CNBD1: variants seen among roughly 807,000 people sequenced by gnomAD.
CNBD1 encodes the protein cyclic nucleotide-binding domain-containing protein 1.
A neutral mutation model predicts 54.4 loss-of-function variants in CNBD1; 71 were observed. That is an observed-to-expected ratio of 1.30 (90% CI 1.08 to 1.59). The LOEUF (loss-of-function observed/expected upper bound fraction) is 1.59, where lower values mean the gene tolerates loss of function less well. CNBD1 is among the 40% of genes most tolerant of loss of function. The pLI is 0.00. For synonymous variants in CNBD1, 182 were observed against 170.7 expected, an observed-to-expected ratio of 1.07 and a Z score of -0.51; for missense variants, 659 against 518.0, an observed-to-expected ratio of 1.27 and a Z score of -2.64.
In CNBD1 at chr8:87,184,002, C is replaced by G. The variant is rs181553552; in HGVS notation, c.432-21991C>G. On this transcript the variant is annotated intron_variant, in intron 4 of 10. Coordinates refer to ENST00000518476, the MANE Select transcript of CNBD1 (RefSeq NM_173538.3). ...GTAGAATGGCAGGGAGTGCCATACACGTGTGCACTGCAGCAGAGGTAATGG... is the reference window on the plus strand; with the variant it reads ...GTAGAATGGCAGGGAGTGCCATACAGGTGTGCACTGCAGCAGAGGTAATGG... Among the ~76,000 whole-genome samples the G allele has an allele frequency of 8.8e-4, 134 of 152,302 alleles. 1 individual carries two copies. The highest frequency in any genetic ancestry group is 1.3e-3 in the Non-Finnish European group (90 of 68,032).
intron 4 of CNBD1, among the ~76,000 whole-genome samples, chr8:87,062,194 A>T (rs1224352276): frequency 6.6e-6 from 1 of 152,206 alleles, no homozygotes; most frequent in African/African-American, 2.4e-5. Flanking sequence ...ATATTTTATT[A>T]GTTATTCAAG....
intron 10 of CNBD1, among the ~76,000 whole-genome samples, chr8:87,378,536 A>G (rs1417596048): frequency 6.6e-6 from 1 of 150,748 alleles, no homozygotes; most frequent in Non-Finnish European, 1.5e-5. Context: ...TACCAGTACC[A>G]TGCTGTTTTG....
At chr8:87,035,123 AG>A (rs1809889725) in intron 4 of CNBD1, among the ~76,000 whole-genome samples, 1 of 152,190 alleles carries the variant, frequency 6.6e-6, no homozygotes, top group African/African-American at 2.4e-5. Context: ...GTTTGAAACC[AG>A]ACTAGTTTTT....
chr8:87,291,050 G>C (rs1028335951), intron 8 of CNBD1, among the ~76,000 whole-genome samples: 1 of 152,098 alleles, frequency 6.6e-6, no homozygotes, highest in Non-Finnish European at 1.5e-5. Context: ...ATGCTAATCA[G>C]TTTTAAAGTT....
intron 2 of CNBD1, among the ~76,000 whole-genome samples, chr8:86,889,568 T>G (rs1380414780): frequency 6.6e-6 from 1 of 152,118 alleles, no homozygotes; most frequent in Non-Finnish European, 1.5e-5. Flanking sequence ...ACAAAGGGCA[T>G]TAGTTTTGAT....
chr8:87,054,628 G>A (rs1392779670), intron 4 of CNBD1, among the ~76,000 whole-genome samples: 3 of 152,220 alleles, frequency 2.0e-5, no homozygotes, highest in Admixed American at 6.5e-5. Context: ...GCCGCAAAAC[G>A]AAAGGAAGAA....
chr8:87,421,240 T>C (rs961024387), intron 2 of CNBD1, among the ~76,000 whole-genome samples: 7 of 151,944 alleles, frequency 4.6e-5, no homozygotes, highest in Non-Finnish European at 1.0e-4. Flanking sequence ...TTTATTTTTT[T>C]ATTTATGTTC....
chr8:87,117,068 G>A (rs1004892462), intron 4 of CNBD1, among the ~76,000 whole-genome samples: 3 of 152,052 alleles, frequency 2.0e-5, no homozygotes, highest in Non-Finnish European at 2.9e-5. Flanking sequence ...TTTGAATGGC[G>A]AATTAACCAT....
chr8:87,154,606 CCA>C (rs1194724530), intron 4 of CNBD1, among the ~76,000 whole-genome samples: 1 of 152,158 alleles, frequency 6.6e-6, no homozygotes, highest in Non-Finnish European at 1.5e-5. Flanking sequence ...CTGAAAATAT[CCA>C]CAGTGGGGAG....
chr8:86,954,745 A>G (rs971966550), intron 4 of CNBD1, among the ~76,000 whole-genome samples: 1 of 152,206 alleles, frequency 6.6e-6, no homozygotes, highest in African/African-American at 2.4e-5. Flanking sequence ...AGATGCAGAT[A>G]AGGTCTGACT....
At chr8:87,107,271 A>T (rs1811560021) in intron 4 of CNBD1, among the ~76,000 whole-genome samples, 1 of 152,190 alleles carries the variant, frequency 6.6e-6, no homozygotes, top group African/African-American at 2.4e-5. Flanking sequence ...GAAGGCATAT[A>T]ATGTCTCTGC....
chr8:87,325,751 T>C (rs1013106041), intron 8 of CNBD1, among the ~76,000 whole-genome samples: 1 of 147,122 alleles, frequency 6.8e-6, no homozygotes, highest in African/African-American at 2.6e-5. Flanking sequence ...TCTTGACTCT[T>C]TATCCAACTT....
chr8:87,426,596 C>T lies in CNBD1; in HGVS notation c.214-1950C>T, dbSNP rs1471371180. Among the ~76,000 whole-genome samples the T allele has an allele frequency of 4.6e-5, 7 of 152,180 alleles. No homozygotes were observed. The East Asian group carries it at 1.3e-3, about 29-fold the overall frequency. ...TTTTATCAAGCTACACAGAACTTAGCTAAAATCCTAGCAATGCCAATTGCT... is the reference window on the plus strand; with the variant it reads ...TTTTATCAAGCTACACAGAACTTAGTTAAAATCCTAGCAATGCCAATTGCT... On this transcript the variant is annotated intron_variant, in intron 2 of 7. Coordinates refer to the CNBD1 transcript ENST00000521593.
chr8:87,216,134 G>T (rs1415099225), intron 5 of CNBD1, among the ~76,000 whole-genome samples: 1 of 152,022 alleles, frequency 6.6e-6, no homozygotes, highest in Non-Finnish European at 1.5e-5. Flanking sequence ...TTTTTAAAAT[G>T]CTTTTTAAAA....
At chr8:87,385,598 G>C (rs1387537254), downstream of CNBD1, among the ~76,000 whole-genome samples, 1 of 152,122 alleles carries the variant, frequency 6.6e-6, no homozygotes, top group Non-Finnish European at 1.5e-5. Context: ...CGAGGCTTGA[G>C]TAGGTAAACA....
chr8:87,268,528 A>C (rs189518121), intron 6 of CNBD1, among the ~76,000 whole-genome samples: 97 of 152,232 alleles, frequency 6.4e-4, no homozygotes, highest in African/African-American at 2.3e-3. Context: ...GAATCCCTAC[A>C]CTGCTCACCA....
At chr8:86,962,194 G>A (rs1340506181) in intron 4 of CNBD1, among the ~76,000 whole-genome samples, 1 of 152,138 alleles carries the variant, frequency 6.6e-6, no homozygotes, top group South Asian at 2.1e-4. Context: ...CCCTTCATGT[G>A]TGCAATAAGA....
intron 4 of CNBD1, among the ~76,000 whole-genome samples, chr8:87,074,999 T>C (rs966917689): frequency 6.6e-6 from 1 of 152,206 alleles, no homozygotes; most frequent in African/African-American, 2.4e-5. Flanking sequence ...AAAAAGTACA[T>C]AGCTTCTGTC....
At chr8:86,921,114 A>G (rs1809264990) in intron 3 of CNBD1, among the ~76,000 whole-genome samples, 3 of 152,132 alleles carry the variant, frequency 2.0e-5, no homozygotes, top group South Asian at 2.1e-4. Context: ...TTTTGCACTT[A>G]ATTTCTTTCT....
Sources: gnomAD v4.1 joint callset for allele counts (sites outside exome capture counted in the v4.1 genomes callset) on GRCh38, gnomAD v4.1.1 for gene constraint, MANE v1.5 for transcripts, NCBI Gene and HGNC (gene_info 2026-07-23, HGNC 2026-07-21) for gene names.